EIF4G1: variants seen among roughly 807,000 people sequenced by gnomAD.
EIF4G1 encodes EIF4-gamma.
A neutral mutation model predicts 187.8 loss-of-function variants in EIF4G1; 4 were observed. The ratio of observed to expected loss-of-function variants is 0.02; its 90% CI spans 0.01 to 0.05. The LOEUF is 0.05. Ranked by LOEUF, EIF4G1 falls within the 10% of genes least tolerant of loss-of-function variation. EIF4G1 has a pLI of 1.00. For synonymous variants in EIF4G1, 844 were observed against 781.4 expected (o/e 1.08, Z -1.34); for missense variants, 1,647 against 2,081.1 (o/e 0.79, Z 4.06).
At position 184,322,162 on chromosome 3, in the gene EIF4G1, C is replaced by T. The variant is rs1724009527; in HGVS notation, c.1519+59C>T. 13 of 1,610,642 alleles carry T rather than the reference C, an allele frequency of 8.1e-6. No homozygotes were observed. In the South Asian group the frequency reaches 1.4e-4, roughly 18 times the overall value. On this transcript the variant is annotated intron_variant, in intron 10 of 32. Coordinates refer to ENST00000346169, the MANE Select transcript of EIF4G1 (RefSeq NM_198241.3). Reference sequence around the variant, plus strand: ...GCTAGGGGATATCGTTCCTTGCCCTCCTTGATGACCGCCCATTTTTGACAT... The same window carrying T: ...GCTAGGGGATATCGTTCCTTGCCCTTCTTGATGACCGCCCATTTTTGACAT...
rs751798053 is a variant in EIF4G1 at position 184,322,803 on chromosome 3, ATTCT to A, written c.1796-17_1796-14del. 6.2e-7 allele frequency: 1 copy of A among 1,614,206 alleles called. No homozygotes were observed. Reference sequence around the variant, plus strand: ...CCAGAGGAGGCAGTATGATTGCTTCATTCTGTTTTCCTTGCAGATCAGTGGAAGC... The same window carrying A: ...CCAGAGGAGGCAGTATGATTGCTTCAGTTTTCCTTGCAGATCAGTGGAAGC... On this transcript the variant is annotated splice_polypyrimidine_tract_variant and intron_variant, in intron 12 of 32. Coordinates refer to ENST00000346169, the MANE Select transcript of EIF4G1 (RefSeq NM_198241.3).
intron 4 of EIF4G1, 27 bp from the exon 5 acceptor site, chr3:184,317,294 G>A (rs1722972558): frequency 1.2e-6 from 2 of 1,613,222 alleles, no homozygotes; most frequent in South Asian, 2.2e-5. Flanking sequence ...TCTTTACAAT[G>A]CCAACTGCTT....
chr3:184,315,676 C>T, intron 2 of EIF4G1, 87 bp from the exon 3 acceptor site: 2 of 1,001,204 alleles, frequency 2.0e-6, no homozygotes, highest in Non-Finnish European at 3.1e-6. Flanking sequence ...CCGTATGGGA[C>T]CCAGCCCTTG....
Position 184,321,896 on chromosome 3 carries a change from C to G in EIF4G1, c.1312C>G (p.Pro438Ala), listed in dbSNP as rs758187479. ...AGCATCAATGGCGCCCCCCACCATCCCCTCTGCTACTCCAGCTACGGCTCC... is the reference window on the plus strand; with the variant it reads ...AGCATCAATGGCGCCCCCCACCATCGCCTCTGCTACTCCAGCTACGGCTCC... ...VTASMAPPTI[P>A]SATPATAPSA... The change falls in exon 10 of 33, where the codon CCC (proline) becomes GCC (alanine). Residue 438 changes from proline to alanine, a missense_variant. Physicochemically the swap from Pro to Ala is conservative, Grantham distance 27. Transcript: ENST00000346169. 1.2e-6 allele frequency: 2 copies of G among 1,614,208 alleles called. No individual in the cohort carries two copies. Among genetic ancestry groups the G allele is most frequent in the East Asian group, 4.5e-5 (2 of 44,876 alleles).
chr3:184,316,608 C>A, intron 4 of EIF4G1: 1 of 1,122,376 alleles, frequency 8.9e-7, no homozygotes, highest in South Asian at 1.4e-5. Flanking sequence ...CAGCTTCTTC[C>A]TTACTAAGTG....
intron 32 of EIF4G1, among the ~76,000 whole-genome samples, chr3:184,333,888 A>G (rs1726606785): frequency 6.6e-6 from 1 of 152,090 alleles, no homozygotes; most frequent in Non-Finnish European, 1.5e-5. Context: ...GAGTGTAGGT[A>G]CGGGTTAAGT....
rs111924994 is a variant in EIF4G1, at chr3:184,322,583, G to C, written c.1648G>C (p.Ala550Pro). 2,377 of 1,614,192 alleles carry C rather than the reference G, an allele frequency of 1.5e-3. 1 individual carries two copies. The highest frequency in any genetic ancestry group is 2.0e-3 in the Admixed American group (120 of 60,022). The change falls in exon 12 of 33, where the codon GCA (alanine) becomes CCA (proline). Residue 550 changes from alanine to proline, a missense_variant. Around this residue, in one of 11 missense-constraint regions of EIF4G1, gnomAD observed 522 missense variants for 485.2 expected, o/e 1.08. Transcript: ENST00000346169. The part of the protein sequence containing the change: ...AVPEVENQPP[A>P]GSNPGPESEG... ...ACCAGAGGTGGAAAATCAGCCTCCT[G>C]CAGGCAGCAATCCAGGCCCAGAGTC...
At position 184,325,528 on chromosome 3, in the gene EIF4G1, C is replaced by G. The variant is rs1451622357; in HGVS notation, c.3010C>G (p.Gln1004Glu). The G allele has an allele frequency of 1.2e-6, 2 of 1,614,020 alleles. No individual in the cohort carries two copies. The highest frequency in any genetic ancestry group is 2.7e-5 in the African/African-American group (2 of 74,908). ...RGDQGPKTID[Q>E]IHKEAEMEEH... ...GGATCAGGGTCCCAAGACCATTGAC[C>G]AGATCCATAAGGAGGCTGAGATGGA... The change falls in exon 20 of 33, where the codon CAG becomes GAG. Residue 1004 changes from glutamine (Q) to glutamate (E), a missense_variant. By Grantham distance (29) the Gln-to-Glu change is conservative (BLOSUM62 2). Around this residue, in one of 11 missense-constraint regions of EIF4G1, gnomAD observed 142 missense variants for 296.6 expected, o/e 0.48. Transcript: ENST00000346169. The surrounding 1 kb of genome is among the most constrained non-coding windows in gnomAD (Gnocchi z 5.2).
rs746832251 is a variant in EIF4G1 at position 184,321,899 on chromosome 3, T to C, written c.1315T>C (p.Ser439Pro). 6.2e-7 allele frequency: 1 copy of C among 1,614,002 alleles called. No homozygotes were observed. Among genetic ancestry groups the C allele is most frequent in the East Asian group, 2.2e-5 (1 of 44,870 alleles). Residue 439 changes from serine to proline, a missense_variant, in exon 10 of 33, where the codon TCT (serine) becomes CCT (proline). Physicochemically the swap from Ser to Pro is moderately conservative, Grantham distance 74. This residue lies in a region of EIF4G1 where 522 missense variants were observed against 485.2 expected (regional missense o/e 1.08). Transcript: ENST00000346169. ...TASMAPPTIP[S>P]ATPATAPSAT... ...ATCAATGGCGCCCCCCACCATCCCCTCTGCTACTCCAGCTACGGCTCCTTC... is the reference window on the plus strand; with the variant it reads ...ATCAATGGCGCCCCCCACCATCCCCCCTGCTACTCCAGCTACGGCTCCTTC...
chr3:184,332,172 C>T, intron 32 of EIF4G1, 86 bp downstream of exon 32: 1 of 1,584,378 alleles, frequency 6.3e-7, no homozygotes, highest in Non-Finnish European at 8.6e-7. Context: ...GGGTCTTAAT[C>T]CAAGAAAGGT....
At position 184,331,934 on chromosome 3, in the gene EIF4G1, GTCT is replaced by G. The variant is rs778325285; in HGVS notation, c.4478-7_4478-5del. 18 of 1,614,084 alleles carry G rather than the reference GTCT, an allele frequency of 1.1e-5. No individual in the cohort carries two copies. The highest frequency in any genetic ancestry group is 8.8e-5 in the South Asian group (8 of 91,090). On this transcript the variant is annotated splice_polypyrimidine_tract_variant and intron_variant, in intron 31 of 32. Transcript: ENST00000346169. Reference sequence around the variant, plus strand: ...AGGGTATATTGCTCCACTCATCCCTGTCTTCTTGTAGTTGAGACTCCCCTCCGA... The same window carrying G: ...AGGGTATATTGCTCCACTCATCCCTGTCTTGTAGTTGAGACTCCCCTCCGA...
rs377039658 is a variant in EIF4G1 at position 184,322,456 on chromosome 3, G to A, written c.1608+6G>A. On this transcript the variant is annotated splice_donor_region_variant and intron_variant, in intron 11 of 32. Coordinates refer to ENST00000346169, the MANE Select transcript of EIF4G1 (RefSeq NM_198241.3). ...TTCTGGATGCCTTCAAGGAGGTAAG[G>A]GAGCAGAAAATGGGAGGGGAGAGGG... The A allele has an allele frequency of 5.0e-6, 8 of 1,614,002 alleles. No homozygotes were observed. In the African/African-American group the frequency reaches 9.3e-5, roughly 19 times the overall value.
rs1722361085 is a variant in EIF4G1 at position 184,314,630 on chromosome 3, T to G, written c.-136T>G. 6.6e-6 allele frequency: 1 copy of G among 151,934 alleles called. No homozygotes were observed. Among genetic ancestry groups the G allele is most frequent in the Non-Finnish European group, 1.5e-5 (1 of 67,958 alleles). The allele number at this position is 151,934 out of a possible 1,614,324, so 9.4% of individuals were successfully genotyped here. A position where few individuals can be genotyped will look rare whatever the true frequency, so the allele number is the denominator to read the frequency against. ...CGGAAATGGTTGTGGACTACGTCTG[T>G]GCGGCTGCGTGGGGCTCGGCCGCGC... On this transcript the variant is annotated 5_prime_UTR_variant, in exon 1 of 33. Coordinates refer to ENST00000346169, the MANE Select transcript of EIF4G1 (RefSeq NM_198241.3).
At chr3:184,330,865 G>A (rs965935641) in intron 28 of EIF4G1, among the ~76,000 whole-genome samples, 2 of 151,966 alleles carry the variant, frequency 1.3e-5, no homozygotes, top group African/African-American at 4.8e-5. Flanking sequence ...TCAGCCTCCC[G>A]AGTAGCTGGG....
chr3:184,324,419 A>G (rs913211224), intron 17 of EIF4G1, 72 bp downstream of exon 17: 10 of 1,608,440 alleles, frequency 6.2e-6, no homozygotes, highest in Non-Finnish European at 8.5e-6. Flanking sequence ...ACTCAGCTGT[A>G]GAATTTGGAA....
chr3:184,316,011 G>C (rs1035276423), intron 3 of EIF4G1, 121 bp from the exon 4 acceptor site: 1 of 1,538,544 alleles, frequency 6.5e-7, no homozygotes, highest in Non-Finnish European at 8.8e-7. Flanking sequence ...GGCTGTCACG[G>C]GGAGGGGGTA....
chr3:184,319,936 G>C (rs1308896348), intron 7 of EIF4G1, 135 bp downstream of exon 7: 1 of 720,090 alleles, frequency 1.4e-6, no homozygotes, highest in African/African-American at 1.8e-5. Flanking sequence ...GGTGTCTGTG[G>C]AGGGCTCAGG....
rs763590431 is a variant in EIF4G1, at chr3:184,317,441, A to G, written c.268A>G (p.Ile90Val). Residue 90 changes from isoleucine (I) to valine (V), a missense_variant, in exon 5 of 33, where the codon ATC (isoleucine) becomes GTC (valine). Around this residue, in one of 11 missense-constraint regions of EIF4G1, gnomAD observed 139 missense variants for 187.3 expected, o/e 0.74. Coordinates refer to ENST00000346169, the MANE Select transcript of EIF4G1 (RefSeq NM_198241.3). ...VYPAGSQVMM[I>V]PSQISYPASQ... ...CCCTGCTGGATCCCAAGTAATGATG[A>G]TCCCTTCCCAGATCTCCTACCCAGC... is the stretch of plus-strand genomic sequence containing the variant. The G allele has an allele frequency of 2.5e-5, 41 of 1,613,840 alleles. No individual in the cohort carries two copies. Among genetic ancestry groups the G allele is most frequent in the Non-Finnish European group, 3.4e-5 (40 of 1,179,990 alleles).
At chr3:184,326,058 C>A (rs1724831507) in intron 21 of EIF4G1, 107 bp downstream of exon 21, 1 of 1,230,700 alleles carries the variant, frequency 8.1e-7, no homozygotes, top group Non-Finnish European at 1.2e-6. Flanking sequence ...CTTAGACTAA[C>A]TGGTTGGATT....
Sources: allele counts gnomAD v4.1 joint callset (sites outside exome capture counted in the v4.1 genomes callset), GRCh38; gene constraint gnomAD v4.1.1; regional missense constraint gnomAD v4.1.1; non-coding constraint Gnocchi (gnomAD v3.1); transcripts MANE v1.5; gene names NCBI Gene and HGNC (gene_info 2026-07-23, HGNC 2026-07-21).